The following RAP1A variants were observed in gnomAD, a reference collection of about 807,000 sequenced individuals.
The protein encoded by RAP1A is ras-related protein Rap-1A.
A neutral mutation model predicts 26.4 loss-of-function variants in RAP1A; 6 were observed. The observed-to-expected ratio is 0.23, with a 90% CI of 0.12 to 0.45. RAP1A has a LOEUF of 0.45. Ranked by LOEUF, RAP1A falls within the 20% of genes least tolerant of loss-of-function variation. The pLI is 0.99. For missense variants in RAP1A, 121 were observed against 217.2 expected, an observed-to-expected ratio of 0.56 and a Z score of 2.78; for synonymous variants, 73 against 79.4, an observed-to-expected ratio of 0.92 and a Z score of 0.43.
At chr1:111,678,592 C>T (rs1392516386) in intron 1 of RAP1A, among the ~76,000 whole-genome samples, 1 of 150,452 alleles carries the variant, frequency 6.6e-6, no homozygotes, top group African/African-American at 2.5e-5. Flanking sequence ...ACCTGTACAT[C>T]ATATTACTGT....
intron 1 of RAP1A, among the ~76,000 whole-genome samples, chr1:111,579,798 ATTTATTTATTTATT>A (rs1658217839): frequency 1.1e-5 from 1 of 88,100 alleles, no homozygotes; most frequent in Admixed American, 1.4e-4. Flanking sequence ...CCATTTATTT[ATTTATTTATTTATT>A]TATTTATTTA....
intron 1 of RAP1A, among the ~76,000 whole-genome samples, chr1:111,567,124 G>A (rs962876030): frequency 6.6e-6 from 1 of 152,014 alleles, no homozygotes; most frequent in Non-Finnish European, 1.5e-5. Flanking sequence ...CATAGGCCCC[G>A]CCCTCAAGAA....
At chr1:111,622,447 C>T (rs1462993236) in intron 1 of RAP1A, among the ~76,000 whole-genome samples, 2 of 152,204 alleles carry the variant, frequency 1.3e-5, no homozygotes, top group Non-Finnish European at 2.9e-5. Context: ...GTCCTCTCTG[C>T]CTGTAACCTT....
chr1:111,649,369 G>A, intron 1 of RAP1A: 1 of 382,320 alleles, frequency 2.6e-6, no homozygotes, highest in Non-Finnish European at 5.1e-6. Context: ...CAGCCCCTCG[G>A]CCATCCCTGC....
chr1:111,634,022 C>G (rs2101108120), intron 1 of RAP1A, among the ~76,000 whole-genome samples: 1 of 152,276 alleles, frequency 6.6e-6, no homozygotes, highest in South Asian at 2.1e-4. Flanking sequence ...TTCTAGTGTT[C>G]TGGGCTGAGC....
intron 1 of RAP1A, among the ~76,000 whole-genome samples, chr1:111,598,341 T>C (rs1208919578): frequency 6.6e-6 from 1 of 152,172 alleles, no homozygotes; most frequent in Non-Finnish European, 1.5e-5. Flanking sequence ...CATTTTAGGA[T>C]GAAGAAACTG....
At chr1:111,568,781 C>T (rs574194897) in intron 1 of RAP1A, among the ~76,000 whole-genome samples, 184 of 152,160 alleles carry the variant, frequency 1.2e-3, no homozygotes, top group Non-Finnish European at 1.5e-3. Flanking sequence ...CCATCTCTTC[C>T]GCCCCTGCCA....
At chr1:111,664,723 G>T (rs963147038) in intron 1 of RAP1A, among the ~76,000 whole-genome samples, 1 of 152,176 alleles carries the variant, frequency 6.6e-6, no homozygotes, top group Non-Finnish European at 1.5e-5. Flanking sequence ...AATACAGGCA[G>T]ATTGGCATGT....
intron 1 of RAP1A, among the ~76,000 whole-genome samples, chr1:111,583,944 G>GAT (rs1340573525): frequency 2.1e-5 from 3 of 140,666 alleles, no homozygotes; most frequent in Non-Finnish European, 4.5e-5. Flanking sequence ...GCAGTGGCGC[G>GAT]ATCTCGGCTC....
At chr1:111,579,154 C>A (rs1658201395) in intron 1 of RAP1A, among the ~76,000 whole-genome samples, 1 of 152,168 alleles carries the variant, frequency 6.6e-6, no homozygotes, top group African/African-American at 2.4e-5. Context: ...TGATGTTCAG[C>A]AACACCCTCC....
chr1:111,588,027 C>G (rs1429705918), intron 1 of RAP1A, among the ~76,000 whole-genome samples: 2 of 152,180 alleles, frequency 1.3e-5, no homozygotes, highest in Admixed American at 1.3e-4. Flanking sequence ...TGACCCACAG[C>G]CTCAAATCTC....
At chr1:111,563,936 G>T (rs746357986) in intron 1 of RAP1A, 3 of 1,613,470 alleles carry the variant, frequency 1.9e-6, no homozygotes, top group Non-Finnish European at 2.5e-6. Context: ...AATGGGTCCT[G>T]CTGGAGACCC....
intron 6 of RAP1A, 93 bp from the exon 7 acceptor site, chr1:111,709,056 T>A: frequency 7.0e-7 from 1 of 1,425,678 alleles, no homozygotes; most frequent in Non-Finnish European, 9.2e-7. Context: ...AGAATGCAGA[T>A]CTAAGACCAG....
At chr1:111,687,121 T>G (rs558449855) in intron 1 of RAP1A, among the ~76,000 whole-genome samples, 1 of 152,254 alleles carries the variant, frequency 6.6e-6, no homozygotes, top group African/African-American at 2.4e-5. Context: ...CCATCTTGCC[T>G]TTTGCCTTGT....
At chr1:111,683,161 C>T (rs1661359901) in intron 1 of RAP1A, among the ~76,000 whole-genome samples, 1 of 152,110 alleles carries the variant, frequency 6.6e-6, no homozygotes, top group African/African-American at 2.4e-5. Context: ...TGGGACACAG[C>T]TAAAGCAGTG....
intron 7 of RAP1A, among the ~76,000 whole-genome samples, chr1:111,711,502 T>C (rs1328877042): frequency 1.3e-5 from 2 of 152,232 alleles, no homozygotes; most frequent in African/African-American, 4.8e-5. Flanking sequence ...AATAAGACTT[T>C]AGTCTTGCTT....
chr1:111,688,253 T>C (rs1186991404), intron 1 of RAP1A, among the ~76,000 whole-genome samples: 1 of 150,058 alleles, frequency 6.7e-6, no homozygotes, highest in Non-Finnish European at 1.5e-5. Flanking sequence ...CTTGCATAGC[T>C]TCACAAGAAG....
At chr1:111,572,774 T>C (rs1278502771) in intron 1 of RAP1A, among the ~76,000 whole-genome samples, 2 of 152,144 alleles carry the variant, frequency 1.3e-5, no homozygotes, top group Non-Finnish European at 2.9e-5. Flanking sequence ...GGTTCGGGGG[T>C]ACATGTGCAG....
chr1:111,682,504 CAA>C (rs375059165), intron 1 of RAP1A, among the ~76,000 whole-genome samples: 60 of 113,650 alleles, frequency 5.3e-4, no homozygotes, highest in Non-Finnish European at 8.3e-4. Flanking sequence ...AATGGAAAGC[CAA>C]AAAAAAAAAA....
Sources: allele counts gnomAD v4.1 joint callset (sites outside exome capture counted in the v4.1 genomes callset), GRCh38; gene constraint gnomAD v4.1.1; transcripts MANE v1.5; gene names NCBI Gene and HGNC (gene_info 2026-07-23, HGNC 2026-07-21).